NPFFR2: variants seen among roughly 807,000 people sequenced by gnomAD.
NPFFR2 encodes the protein G-protein coupled receptor 74.
A neutral mutation model predicts 13.1 loss-of-function variants in NPFFR2; 15 were observed. The ratio of observed to expected loss-of-function variants is 1.15; its 90% CI spans 0.77 to 1.76. The LOEUF is 1.76. Ranked by LOEUF, NPFFR2 falls within the 40% of genes most tolerant of loss-of-function variation. The pLI is 0.00. For synonymous variants in NPFFR2, 190 were observed against 175.7 expected (o/e 1.08, Z -0.65); for missense variants, 572 against 503.5 (o/e 1.14, Z -1.30).
intron 1 of NPFFR2, among the ~76,000 whole-genome samples, chr4:72,060,223 T>A (rs938314292): frequency 6.6e-6 from 1 of 152,122 alleles, no homozygotes. Context: ...TTTGTAATAA[T>A]CTCTGTGTGT....
chr4:72,093,104 G>C (rs1720960344), intron 1 of NPFFR2, among the ~76,000 whole-genome samples: 1 of 152,140 alleles, frequency 6.6e-6, no homozygotes, highest in Admixed American at 6.6e-5. Flanking sequence ...CAGTTTAATG[G>C]ATACAAAATT....
At chr4:72,107,283 C>T (rs1398280110) in intron 1 of NPFFR2, among the ~76,000 whole-genome samples, 1 of 150,520 alleles carries the variant, frequency 6.6e-6, no homozygotes, top group East Asian at 1.9e-4. Flanking sequence ...TAAAAGTTAG[C>T]ATAAAATTAA....
intron 1 of NPFFR2, among the ~76,000 whole-genome samples, chr4:72,121,754 C>G (rs1284985114): frequency 3.9e-5 from 6 of 152,212 alleles, no homozygotes; most frequent in Non-Finnish European, 7.4e-5. Flanking sequence ...GAAGGAAGCA[C>G]TAAACATGGA....
At chr4:72,113,928 G>C (rs140383607) in intron 1 of NPFFR2, among the ~76,000 whole-genome samples, 4 of 152,076 alleles carry the variant, frequency 2.6e-5, no homozygotes, top group Non-Finnish European at 5.9e-5. Flanking sequence ...AGGGAGCCAA[G>C]TATTATAAAT....
At chr4:72,088,180 AAAAGT>A (rs1428269800) in intron 1 of NPFFR2, among the ~76,000 whole-genome samples, 1 of 152,070 alleles carries the variant, frequency 6.6e-6, no homozygotes, top group Non-Finnish European at 1.5e-5. Flanking sequence ...AAGTATAGAT[AAAAGT>A]AAAGTACACA....
chr4:72,119,762 T>C (rs745317903), intron 1 of NPFFR2, among the ~76,000 whole-genome samples: 2 of 152,212 alleles, frequency 1.3e-5, no homozygotes, highest in Non-Finnish European at 2.9e-5. Flanking sequence ...TACTACACTT[T>C]TCCCATGGTC....
intron 3 of NPFFR2, among the ~76,000 whole-genome samples, chr4:72,143,477 T>G (rs1044645445): frequency 2.0e-5 from 3 of 152,198 alleles, no homozygotes. Flanking sequence ...CTCTACTTCT[T>G]GTTCTATTCA....
chr4:72,042,192 T>C (rs1719240525), intron 1 of NPFFR2, among the ~76,000 whole-genome samples: 1 of 152,172 alleles, frequency 6.6e-6, no homozygotes, highest in South Asian at 2.1e-4. Context: ...AAGGGGCTTT[T>C]CCCCCTTTTG....
At chr4:72,083,639 A>G (rs989540000) in intron 1 of NPFFR2, among the ~76,000 whole-genome samples, 2 of 152,102 alleles carry the variant, frequency 1.3e-5, no homozygotes, top group African/African-American at 4.8e-5. Context: ...CAGGACTCTG[A>G]GCTTGACTCT....
chr4:72,133,354 T>A (rs1177210794), intron 2 of NPFFR2, among the ~76,000 whole-genome samples: 1 of 152,212 alleles, frequency 6.6e-6, no homozygotes, highest in Non-Finnish European at 1.5e-5. Context: ...TCTATTCTGT[T>A]CCATTGGTCT....
intron 1 of NPFFR2, among the ~76,000 whole-genome samples, chr4:72,043,653 C>T (rs1373859253): frequency 6.6e-6 from 1 of 152,208 alleles, no homozygotes; most frequent in Non-Finnish European, 1.5e-5. Context: ...TTTGTTTTCA[C>T]TAATTTATCC....
chr4:72,085,974 T>C (rs1720759645), intron 1 of NPFFR2, among the ~76,000 whole-genome samples: 1 of 152,114 alleles, frequency 6.6e-6, no homozygotes, highest in Admixed American at 6.6e-5. Flanking sequence ...AGGTGCTTTG[T>C]CTGATTTGCT....
At chr4:72,055,274 C>T (rs902631547) in intron 1 of NPFFR2, among the ~76,000 whole-genome samples, 13 of 145,160 alleles carry the variant, frequency 9.0e-5, no homozygotes, top group African/African-American at 3.3e-4. Flanking sequence ...CACTTCGTGT[C>T]TTTGTCACAT....
At chr4:72,118,830 T>A (rs1721786204) in intron 1 of NPFFR2, among the ~76,000 whole-genome samples, 1 of 152,060 alleles carries the variant, frequency 6.6e-6, no homozygotes, top group Admixed American at 6.6e-5. Context: ...CAGTATAAAA[T>A]GGCATAACAA....
At chr4:72,053,588 G>T (rs1028389799) in intron 1 of NPFFR2, among the ~76,000 whole-genome samples, 6 of 151,422 alleles carry the variant, frequency 4.0e-5, no homozygotes, top group Non-Finnish European at 5.9e-5. Context: ...TTTCTTCCAG[G>T]TTATCCATTG....
intron 2 of NPFFR2, among the ~76,000 whole-genome samples, chr4:72,133,838 G>A (rs1722326086): frequency 6.6e-6 from 1 of 152,074 alleles, no homozygotes; most frequent in East Asian, 1.9e-4. Context: ...GAATGCCAGT[G>A]ATTTTTGTAC....
chr4:72,102,870 C>T (rs575243626), intron 1 of NPFFR2, among the ~76,000 whole-genome samples: 1 of 152,090 alleles, frequency 6.6e-6, no homozygotes, highest in South Asian at 2.1e-4. Context: ...GATTTATAAT[C>T]CTTTGGGTAT....
intron 1 of NPFFR2, among the ~76,000 whole-genome samples, chr4:72,099,501 G>C (rs1193086201): frequency 2.0e-5 from 3 of 152,092 alleles, no homozygotes; most frequent in African/African-American, 4.8e-5. Context: ...TTCCAGGGAG[G>C]CCTTGGGGAG....
intron 1 of NPFFR2, among the ~76,000 whole-genome samples, chr4:72,082,129 T>C (rs1720643096): frequency 6.6e-6 from 1 of 152,188 alleles, no homozygotes; most frequent in Admixed American, 6.6e-5. Context: ...GCAAAGTACA[T>C]AATTGTGTTT....
Sources: gnomAD v4.1 joint callset for allele counts (sites outside exome capture counted in the v4.1 genomes callset) on GRCh38, gnomAD v4.1.1 for gene constraint, MANE v1.5 for transcripts, NCBI Gene and HGNC (gene_info 2026-07-23, HGNC 2026-07-21) for gene names.